The following TRPM3 variants were observed in gnomAD, a reference collection of about 807,000 sequenced individuals.
The protein encoded by TRPM3 is long transient receptor potential channel 3.
A neutral mutation model predicts 181.2 loss-of-function variants in TRPM3; 77 were observed. That is an observed-to-expected ratio of 0.42 (90% CI 0.35 to 0.51). The LOEUF (loss-of-function observed/expected upper bound fraction) is 0.51. Among genes scored for constraint, TRPM3 ranks in the 20% least tolerant of loss-of-function variants. TRPM3 has a pLI of 0.01. For synonymous variants in TRPM3, 745 were observed against 796.4 expected, an observed-to-expected ratio of 0.94 and a Z score of 1.09; for missense variants, 1,759 against 2,196.7, an observed-to-expected ratio of 0.80 and a Z score of 3.98.
chr9:70,821,167 G>A (rs908559718), intron 6 of TRPM3, among the ~76,000 whole-genome samples: 1 of 152,164 alleles, frequency 6.6e-6, no homozygotes, highest in Admixed American at 6.5e-5. Flanking sequence ...CCATGATGCT[G>A]CTACTGAGTT....
At chr9:70,991,448 GTTAT>G (rs1352193543) in intron 1 of TRPM3, among the ~76,000 whole-genome samples, 7 of 150,972 alleles carry the variant, frequency 4.6e-5, no homozygotes, top group African/African-American at 1.7e-4. Context: ...GCTAGATCTT[GTTAT>G]TTAGTGTACT....
At chr9:71,432,625 T>G (rs2093975197) in intron 1 of TRPM3, among the ~76,000 whole-genome samples, 2 of 152,200 alleles carry the variant, frequency 1.3e-5, no homozygotes. Context: ...CTAATGCTTT[T>G]AAATGCATAA....
At chr9:71,373,916 G>C (rs1020722017) in intron 1 of TRPM3, among the ~76,000 whole-genome samples, 3 of 152,194 alleles carry the variant, frequency 2.0e-5, no homozygotes, top group Admixed American at 6.5e-5. Flanking sequence ...ACATCAAAAA[G>C]CTTATCCACC....
At chr9:71,236,874 C>T (rs2081377674) in intron 1 of TRPM3, among the ~76,000 whole-genome samples, 1 of 152,004 alleles carries the variant, frequency 6.6e-6, no homozygotes, top group South Asian at 2.1e-4. Flanking sequence ...TGGCGAAACA[C>T]TGTCTCTACT....
chr9:71,375,311 T>C (rs980997890), intron 1 of TRPM3, among the ~76,000 whole-genome samples: 3 of 152,188 alleles, frequency 2.0e-5, no homozygotes, highest in Admixed American at 6.5e-5. Context: ...CTGGGAGAAC[T>C]GGCTAGCCAA....
chr9:70,998,794 C>T (rs957528270), intron 1 of TRPM3, among the ~76,000 whole-genome samples: 3 of 152,162 alleles, frequency 2.0e-5, no homozygotes, highest in Non-Finnish European at 4.4e-5. Context: ...TGGACGATTT[C>T]ACTATTGTGA....
At chr9:71,375,931 T>C (rs909132959) in intron 1 of TRPM3, among the ~76,000 whole-genome samples, 1 of 152,160 alleles carries the variant, frequency 6.6e-6, no homozygotes, top group Non-Finnish European at 1.5e-5. Flanking sequence ...ATAACACTTA[T>C]ATGTACTGGG....
At chr9:70,752,047 TGTGCGCGCGC>T (rs2076269444) in intron 8 of TRPM3, among the ~76,000 whole-genome samples, 3 of 97,792 alleles carry the variant, frequency 3.1e-5, no homozygotes, top group East Asian at 3.5e-4. Flanking sequence ...TGTGTGTGTG[TGTGCGCGCGC>T]GCGCGCATAC....
intron 1 of TRPM3, among the ~76,000 whole-genome samples, chr9:71,248,670 C>T: frequency 6.6e-6 from 1 of 152,182 alleles, no homozygotes; most frequent in East Asian, 1.9e-4. Context: ...CTATTCACAA[C>T]TTACTCTTGT....
At chr9:70,580,581 C>T (rs1218896569) in intron 22 of TRPM3, among the ~76,000 whole-genome samples, 1 of 152,182 alleles carries the variant, frequency 6.6e-6, no homozygotes, top group Non-Finnish European at 1.5e-5. Flanking sequence ...CAGGCTGGCC[C>T]AGGGAGGACA....
intron 5 of TRPM3, among the ~76,000 whole-genome samples, chr9:70,831,636 G>A (rs939323246): frequency 1.1e-4 from 17 of 151,848 alleles, no homozygotes; most frequent in African/African-American, 3.4e-4. Context: ...AATTTCCTGT[G>A]TTGCAGTTCA....
In TRPM3 at chr9:71,297,224, A is replaced by T. The variant is rs72733899; in HGVS notation, c.183+149429T>A. 6.0e-4 allele frequency among the ~76,000 whole-genome samples: 92 copies of T among 152,142 alleles called. No individual in the cohort carries two copies. In the Middle Eastern group the frequency reaches 0.01, roughly 17 times the overall value. On this transcript the variant is annotated intron_variant, in intron 1 of 24. Transcript: ENST00000357533. ...TACTTCTCAGTATCTCCAGAAGAGG[A>T]GTCACCAGCCTTCTTCAGTAACAAT... is the stretch of plus-strand genomic sequence containing the variant.
chr9:71,200,066 T>C (rs1469907301), intron 1 of TRPM3, among the ~76,000 whole-genome samples: 1 of 152,158 alleles, frequency 6.6e-6, no homozygotes, highest in African/African-American at 2.4e-5. Context: ...GATTCTGGTA[T>C]GTTGTGTCTT....
chr9:70,634,324 A>C (rs7036072), intron 12 of TRPM3, among the ~76,000 whole-genome samples: 2 of 151,982 alleles, frequency 1.3e-5, no homozygotes, highest in Non-Finnish European at 2.9e-5. Flanking sequence ...TAACCAGACC[A>C]GGCTGGCCTT....
At chr9:71,100,354 G>C (rs1218930038) in intron 1 of TRPM3, among the ~76,000 whole-genome samples, 3 of 152,040 alleles carry the variant, frequency 2.0e-5, no homozygotes, top group Admixed American at 6.6e-5. Context: ...TGAAAAATTA[G>C]AAGTAAAGGA....
chr9:71,095,107 C>A (rs944827666), intron 1 of TRPM3, among the ~76,000 whole-genome samples: 5 of 152,098 alleles, frequency 3.3e-5, no homozygotes, highest in African/African-American at 1.2e-4. Context: ...TGGGAAATGC[C>A]TTCGTTTTTA....
At chr9:71,408,584 C>A (rs7019608) in intron 1 of TRPM3, among the ~76,000 whole-genome samples, 1 of 152,100 alleles carries the variant, frequency 6.6e-6, no homozygotes, top group Non-Finnish European at 1.5e-5. Flanking sequence ...AACAAAGCCT[C>A]CAAGAAACAT....
At chr9:71,329,648 C>A (rs2089971051) in intron 1 of TRPM3, among the ~76,000 whole-genome samples, 2 of 152,146 alleles carry the variant, frequency 1.3e-5, no homozygotes, top group Admixed American at 6.6e-5. Flanking sequence ...GAAGACAAAT[C>A]AATATGAATC....
At chr9:71,030,070 A>G (rs2057091497) in intron 1 of TRPM3, among the ~76,000 whole-genome samples, 1 of 152,192 alleles carries the variant, frequency 6.6e-6, no homozygotes, top group Admixed American at 6.5e-5. Context: ...AAGATCTCTA[A>G]GTATACACAG....
Sources: gnomAD v4.1 joint callset for allele counts (sites outside exome capture counted in the v4.1 genomes callset) on GRCh38, gnomAD v4.1.1 for gene constraint, MANE v1.5 for transcripts, NCBI Gene and HGNC (gene_info 2026-07-23, HGNC 2026-07-21) for gene names.